ADGRL2: variants seen among roughly 807,000 people sequenced by gnomAD.
ADGRL2 encodes the protein calcium-independent alpha-latrotoxin receptor 2.
A neutral mutation model predicts 157.4 loss-of-function variants in ADGRL2; 44 were observed. The ratio of observed to expected loss-of-function variants is 0.28; its 90% CI spans 0.22 to 0.36. The LOEUF (loss-of-function observed/expected upper bound fraction) is 0.36, where lower values mean the gene tolerates loss of function less well. Ranked by LOEUF, ADGRL2 falls within the 10% of genes least tolerant of loss-of-function variation. The probability of loss-of-function intolerance (pLI) is 1.00; values close to 1 mark genes in which losing one functional copy is unlikely to be tolerated. For missense variants in ADGRL2, 1,510 were observed against 1,768.9 expected (o/e 0.85, Z 2.63); for synonymous variants, 585 against 624.7 (o/e 0.94, Z 0.95).
chr1:81,662,553 C>CT (rs202152872), intron 3 of ADGRL2, among the ~76,000 whole-genome samples: 1,940 of 148,312 alleles, frequency 0.013, 42 homozygotes, highest in African/African-American at 0.045. Context: ...TTCGTTCATT[C>CT]TTTCTTTTTT....
chr1:81,940,377 C>T (rs577691838), intron 4 of ADGRL2, among the ~76,000 whole-genome samples: 192 of 151,662 alleles, frequency 1.3e-3, no homozygotes, highest in African/African-American at 4.3e-3. Flanking sequence ...TATTGCTCTT[C>T]GCTGAGGAGT....
At chr1:81,315,238 A>C (rs2100577679) in intron 1 of ADGRL2, among the ~76,000 whole-genome samples, 1 of 152,290 alleles carries the variant, frequency 6.6e-6, no homozygotes, top group East Asian at 1.9e-4. Flanking sequence ...GATTAGAGGT[A>C]GAGATTTGTT....
chr1:81,792,083 T>G (rs2149421857), intron 2 of ADGRL2, among the ~76,000 whole-genome samples: 1 of 152,342 alleles, frequency 6.6e-6, no homozygotes, highest in South Asian at 2.1e-4. Context: ...GGAGTATGTT[T>G]ACCATTCTCC....
chr1:81,338,440 A>G (rs1405666429), intron 1 of ADGRL2, among the ~76,000 whole-genome samples: 1 of 152,158 alleles, frequency 6.6e-6, no homozygotes, highest in African/African-American at 2.4e-5. Context: ...TTTTCTTGGT[A>G]TCTAGTCTGG....
chr1:81,540,684 G>A (rs186345311), intron 2 of ADGRL2, among the ~76,000 whole-genome samples: 15 of 152,194 alleles, frequency 9.9e-5, no homozygotes, highest in Middle Eastern at 3.4e-3. Flanking sequence ...AAATAAACAC[G>A]GGCCAGATCA....
At chr1:81,716,042 G>A (rs776158645) in intron 1 of ADGRL2, among the ~76,000 whole-genome samples, 4 of 152,188 alleles carry the variant, frequency 2.6e-5, no homozygotes, top group Non-Finnish European at 5.9e-5. Context: ...CAAGGGCAGA[G>A]AGAAGAAAGA....
At chr1:81,511,226 T>C (rs145136578) in intron 2 of ADGRL2, among the ~76,000 whole-genome samples, 1,630 of 152,066 alleles carry the variant, frequency 0.011, 21 homozygotes, top group East Asian at 0.034. Flanking sequence ...TTGGAGGATG[T>C]TGTCTTTCTT....
At chr1:81,852,285 G>C (rs574694637) in intron 2 of ADGRL2, among the ~76,000 whole-genome samples, 1 of 152,204 alleles carries the variant, frequency 6.6e-6, no homozygotes, top group Non-Finnish European at 1.5e-5. Flanking sequence ...TAGCTGAAAA[G>C]AATGTATTGC....
At chr1:81,392,284 G>A (rs1322630038) in intron 1 of ADGRL2, among the ~76,000 whole-genome samples, 1 of 151,636 alleles carries the variant, frequency 6.6e-6, no homozygotes. Flanking sequence ...CTCCTGCCTG[G>A]ATGCCATGAA....
At position 81,991,135 on chromosome 1, in the gene ADGRL2, C is replaced by G; in HGVS notation, c.4400C>G (p.Thr1467Arg). Reference protein sequence around the residue: ...DVREGQMQLVTSL With the variant: ...DVREGQMQLVRSL ...AGAGAAGGACAAATGCAGCTGGTTA[C>G]AAGTCTTTAATCATACAGCTAAGGA... Residue 1467 changes from threonine (T) to arginine (R), a missense_variant, in exon 24 of 24, where the codon ACA (threonine) becomes AGA (arginine). Coordinates refer to ENST00000686636, the MANE Select transcript of ADGRL2 (RefSeq NM_001366006.2). 1 of 1,602,818 alleles carries G rather than the reference C, an allele frequency of 6.2e-7. No individual in the cohort carries two copies. The highest frequency in any genetic ancestry group is 2.2e-5 in the East Asian group (1 of 44,580).
At chr1:81,974,256 T>A in intron 17 of ADGRL2, among the ~76,000 whole-genome samples, 1 of 152,188 alleles carries the variant, frequency 6.6e-6, no homozygotes. Context: ...ACTAGAGTTA[T>A]TATATCTATG....
intron 2 of ADGRL2, among the ~76,000 whole-genome samples, chr1:81,535,619 A>G (rs1172265997): frequency 6.6e-6 from 1 of 152,202 alleles, no homozygotes; most frequent in Non-Finnish European, 1.5e-5. Context: ...CAGACAGCAG[A>G]CCCAGACTGT....
intron 1 of ADGRL2, among the ~76,000 whole-genome samples, chr1:81,390,751 A>C (rs574947433): frequency 3.3e-5 from 5 of 152,304 alleles, no homozygotes; most frequent in Admixed American, 6.5e-5. Context: ...ATATTGATCT[A>C]CCATCTTCTT....
At chr1:81,889,665 A>T (rs1475430491) in intron 2 of ADGRL2, among the ~76,000 whole-genome samples, 1 of 152,206 alleles carries the variant, frequency 6.6e-6, no homozygotes. Flanking sequence ...GCTACACTAA[A>T]CAACAGATTT....
At chr1:81,604,184 C>T (rs1220387935) in intron 3 of ADGRL2, among the ~76,000 whole-genome samples, 2 of 152,030 alleles carry the variant, frequency 1.3e-5, no homozygotes, top group African/African-American at 4.8e-5. Context: ...AGGCTGGTTT[C>T]GAACGCCTGA....
Position 81,599,596 on chromosome 1 carries a change from G to T in ADGRL2, c.-143+18616G>T, listed in dbSNP as rs188608105. ...AATAATTCCAGTGATAATGGAATTA[G>T]AATTTCATTGGGTTTAATAATTATT... On this transcript the variant is annotated intron_variant, in intron 3 of 24. Transcript: ENST00000370721. 5.7e-4 allele frequency among the ~76,000 whole-genome samples: 87 copies of T among 152,236 alleles called. 1 individual carries two copies. The highest frequency in any genetic ancestry group is 6.8e-3 in the Middle Eastern group (2 of 294).
At chr1:81,938,664 T>A (rs1572238149) in intron 4 of ADGRL2, among the ~76,000 whole-genome samples, 1 of 151,790 alleles carries the variant, frequency 6.6e-6, no homozygotes, top group East Asian at 1.9e-4. Flanking sequence ...ATGGGTTTTT[T>A]TTAATCACTC....
chr1:81,332,363 A>G (rs1661334687), intron 1 of ADGRL2, among the ~76,000 whole-genome samples: 1 of 152,138 alleles, frequency 6.6e-6, no homozygotes, highest in Admixed American at 6.6e-5. Context: ...TTGATCAGTA[A>G]AAGAAATATT....
At chr1:81,806,094 T>A (rs1426006151) in intron 1 of ADGRL2, among the ~76,000 whole-genome samples, 2 of 152,054 alleles carry the variant, frequency 1.3e-5, no homozygotes, top group African/African-American at 4.8e-5. Flanking sequence ...GAGATAGCTC[T>A]GGGAGCAGGT....
Sources: allele counts gnomAD v4.1 joint callset (sites outside exome capture counted in the v4.1 genomes callset), GRCh38; gene constraint gnomAD v4.1.1; transcripts MANE v1.5; gene names NCBI Gene and HGNC (gene_info 2026-07-23, HGNC 2026-07-21).